Variants in CORIN observed in about 807,000 individuals in gnomAD.
CORIN encodes the protein atrial natriuretic peptide-converting enzyme.
A neutral mutation model predicts 125.3 loss-of-function variants in CORIN; 117 were observed. The observed-to-expected ratio is 0.93, with a 90% CI of 0.80 to 1.09. CORIN has a LOEUF of 1.09. Among genes scored for constraint, CORIN ranks in the 50% least tolerant of loss-of-function variants. The pLI, the probability that CORIN is intolerant of heterozygous loss-of-function variation, is 0.00. For missense variants in CORIN, 1,253 were observed against 1,306.7 expected (o/e 0.96, Z 0.63); for synonymous variants, 450 against 466.4 (o/e 0.96, Z 0.45).
intron 4 of CORIN, among the ~76,000 whole-genome samples, chr4:47,755,179 A>G (rs1729079795): frequency 6.6e-6 from 1 of 152,200 alleles, no homozygotes; most frequent in Non-Finnish European, 1.5e-5. Flanking sequence ...TGAGACAACA[A>G]TTCTATATTT....
intron 13 of CORIN, among the ~76,000 whole-genome samples, chr4:47,647,017 T>C (rs1310451508): frequency 6.6e-6 from 1 of 152,196 alleles, no homozygotes; most frequent in Non-Finnish European, 1.5e-5. Context: ...TCCAAAGATA[T>C]AGGAAATAAA....
At chr4:47,772,336 G>A (rs1730083808) in intron 3 of CORIN, among the ~76,000 whole-genome samples, 1 of 152,200 alleles carries the variant, frequency 6.6e-6, no homozygotes, top group South Asian at 2.1e-4. Flanking sequence ...GAAGAATATT[G>A]AGGCGCCATT....
intron 2 of CORIN, among the ~76,000 whole-genome samples, chr4:47,791,164 G>A (rs1281918848): frequency 6.6e-6 from 1 of 152,126 alleles, no homozygotes; most frequent in Non-Finnish European, 1.5e-5. Context: ...TTATTCAGGT[G>A]AGCCCAATGT....
intron 9 of CORIN, 119 bp from the exon 10 acceptor site, chr4:47,674,619 A>G (rs1243765151): frequency 7.3e-6 from 5 of 681,160 alleles, no homozygotes; most frequent in Non-Finnish European, 1.3e-5. Flanking sequence ...ATTTCCTTCC[A>G]ATTTCTCCAA....
intron 12 of CORIN, among the ~76,000 whole-genome samples, chr4:47,658,677 G>T (rs961185996): frequency 6.6e-6 from 1 of 152,256 alleles, no homozygotes; most frequent in Admixed American, 6.5e-5. Context: ...AGGCCTTAGG[G>T]TCTGTGATGG....
intron 1 of CORIN, 111 bp from the exon 2 acceptor site, chr4:47,807,158 T>A (rs1731833696): frequency 3.7e-6 from 3 of 816,146 alleles, no homozygotes; most frequent in Non-Finnish European, 5.7e-6. Flanking sequence ...GATTTTACAG[T>A]TTGTGGTTTA....
chr4:47,748,178 G>A (rs962852621), intron 4 of CORIN, among the ~76,000 whole-genome samples: 10 of 152,186 alleles, frequency 6.6e-5, no homozygotes, highest in African/African-American at 2.2e-4. Context: ...AGCAAAATGT[G>A]TAGTCATTTT....
chr4:47,598,538 C>T (rs766817502), intron 21 of CORIN, among the ~76,000 whole-genome samples: 10 of 152,128 alleles, frequency 6.6e-5, no homozygotes, highest in Non-Finnish European at 1.2e-4. Context: ...CTCCCTTCCC[C>T]TCCTTTAGCA....
intron 5 of CORIN, among the ~76,000 whole-genome samples, chr4:47,736,566 T>C (rs1316473016): frequency 6.6e-6 from 1 of 152,228 alleles, no homozygotes; most frequent in Non-Finnish European, 1.5e-5. Context: ...TGGGGGTTTG[T>C]TGTACAGATC....
chr4:47,717,215 T>C (rs920335930), intron 5 of CORIN, among the ~76,000 whole-genome samples: 1 of 152,198 alleles, frequency 6.6e-6, no homozygotes, highest in African/African-American at 2.4e-5. Context: ...AGCAACCACA[T>C]GGATCTAATA....
At chr4:47,741,345 ATAAT>A (rs1195160517) in intron 5 of CORIN, among the ~76,000 whole-genome samples, 1 of 152,100 alleles carries the variant, frequency 6.6e-6, no homozygotes, top group Non-Finnish European at 1.5e-5. Flanking sequence ...GTTGCTCAAC[ATAAT>A]TAGTCATTAG....
chr4:47,795,867 G>A (rs957231767), intron 2 of CORIN, among the ~76,000 whole-genome samples: 1 of 152,046 alleles, frequency 6.6e-6, no homozygotes, highest in African/African-American at 2.4e-5. Flanking sequence ...ATGAGATGGT[G>A]CTCAAATCAC....
At chr4:47,744,366 A>C (rs1187692128) in intron 5 of CORIN, 36 bp downstream of exon 5, 1 of 1,585,564 alleles carries the variant, frequency 6.3e-7, no homozygotes, top group Non-Finnish European at 8.6e-7. Context: ...ACTCAAATAA[A>C]ATCTTCTAAA....
At chr4:47,726,815 A>G (rs1382844909) in intron 5 of CORIN, among the ~76,000 whole-genome samples, 1 of 152,102 alleles carries the variant, frequency 6.6e-6, no homozygotes, top group Admixed American at 6.5e-5. Context: ...CATAAACTGG[A>G]TGAACAAAAC....
intron 4 of CORIN, among the ~76,000 whole-genome samples, chr4:47,760,863 G>T (rs1729413986): frequency 6.6e-6 from 1 of 152,144 alleles, no homozygotes; most frequent in African/African-American, 2.4e-5. Flanking sequence ...TTCTAAATGA[G>T]CACTTGTTAC....
intron 1 of CORIN, among the ~76,000 whole-genome samples, chr4:47,819,748 T>A (rs1181261424): frequency 2.0e-5 from 3 of 152,118 alleles, no homozygotes; most frequent in Non-Finnish European, 4.4e-5. Context: ...TGCCCATAAT[T>A]CCATTAATTC....
intron 3 of CORIN, among the ~76,000 whole-genome samples, chr4:47,776,520 G>A (rs1428748621): frequency 6.6e-6 from 1 of 152,174 alleles, no homozygotes; most frequent in African/African-American, 2.4e-5. Context: ...CATAGTTACT[G>A]TGGCTTAACA....
At chr4:47,791,168 C>A (rs1346510327) in intron 2 of CORIN, among the ~76,000 whole-genome samples, 3 of 151,908 alleles carry the variant, frequency 2.0e-5, no homozygotes. Context: ...TCAGGTGAGC[C>A]CAATGTAATC....
intron 1 of CORIN, among the ~76,000 whole-genome samples, chr4:47,831,107 T>G (rs565626078): frequency 2.6e-5 from 4 of 152,042 alleles, no homozygotes; most frequent in Non-Finnish European, 5.9e-5. Flanking sequence ...TCTTACAGAG[T>G]TTCAGCACTG....
Sources: gnomAD v4.1 joint callset for allele counts (sites outside exome capture counted in the v4.1 genomes callset) on GRCh38, gnomAD v4.1.1 for gene constraint, MANE v1.5 for transcripts, NCBI Gene and HGNC (gene_info 2026-07-23, HGNC 2026-07-21) for gene names.